The following CBFB variants were observed in gnomAD, a reference collection of about 807,000 sequenced individuals.
The protein encoded by CBFB is core-binding factor subunit beta, also known as CBF-beta.
A neutral mutation model predicts 30.4 loss-of-function variants in CBFB; 9 were observed. The ratio of observed to expected loss-of-function variants is 0.30; its 90% confidence interval spans 0.18 to 0.52. CBFB has a LOEUF of 0.52. Among genes scored for constraint, CBFB ranks in the 20% least tolerant of loss-of-function variants. The probability of loss-of-function intolerance (pLI) is 0.97; values close to 1 mark genes in which losing one functional copy is unlikely to be tolerated. For missense variants in CBFB, 170 were observed against 244.0 expected, an observed-to-expected ratio of 0.70 and a Z score of 2.02; for synonymous variants, 94 against 84.0, an observed-to-expected ratio of 1.12 and a Z score of -0.65.
At chr16:67,039,612 A>G (rs1966497576) in intron 3 of CBFB, among the ~76,000 whole-genome samples, 1 of 152,092 alleles carries the variant, frequency 6.6e-6, no homozygotes. Context: ...TGTTAAAGCA[A>G]TACATGAATG....
intron 4 of CBFB, among the ~76,000 whole-genome samples, chr16:67,067,596 C>G (rs1000546864): frequency 2.6e-5 from 4 of 152,158 alleles, no homozygotes; most frequent in Non-Finnish European, 5.9e-5. Flanking sequence ...CAGTGACAGT[C>G]TGTGTCATTT....
At chr16:67,051,760 T>G (rs1960548888) in intron 3 of CBFB, among the ~76,000 whole-genome samples, 1 of 151,552 alleles carries the variant, frequency 6.6e-6, no homozygotes, top group African/African-American at 2.4e-5. Flanking sequence ...TGTGTTTTTT[T>G]TTTTCTGAGT....
chr16:67,055,346 C>A (rs907235996), intron 3 of CBFB, among the ~76,000 whole-genome samples: 1 of 146,148 alleles, frequency 6.8e-6, no homozygotes, highest in Non-Finnish European at 1.5e-5. Context: ...CTATTGAATT[C>A]CAGACACTTT....
At chr16:67,035,988 A>C (rs1018072035) in intron 2 of CBFB, among the ~76,000 whole-genome samples, 2 of 152,104 alleles carry the variant, frequency 1.3e-5, no homozygotes, top group Non-Finnish European at 2.9e-5. Context: ...ATATTTATAA[A>C]TCTAATCTAT....
At chr16:67,078,908 C>T (rs1961479621) in intron 4 of CBFB, among the ~76,000 whole-genome samples, 1 of 152,178 alleles carries the variant, frequency 6.6e-6, no homozygotes. Context: ...ACCCACCGGC[C>T]TTGGCCTCCC....
chr16:67,068,704 A>G (rs937186319), intron 4 of CBFB, among the ~76,000 whole-genome samples: 1 of 152,210 alleles, frequency 6.6e-6, no homozygotes, highest in African/African-American at 2.4e-5. Context: ...TGCAACTTAT[A>G]CAAAGGTGAA....
At chr16:67,081,177 T>C (rs1307656091) in intron 4 of CBFB, among the ~76,000 whole-genome samples, 3 of 133,856 alleles carry the variant, frequency 2.2e-5, no homozygotes, top group Non-Finnish European at 4.6e-5. Context: ...CCTTCCTGTG[T>C]CCATGTGTTC....
intron 4 of CBFB, among the ~76,000 whole-genome samples, chr16:67,071,825 A>T (rs771292992): frequency 1.3e-5 from 2 of 152,078 alleles, no homozygotes; most frequent in Non-Finnish European, 2.9e-5. Flanking sequence ...TTAGCATTTT[A>T]TACTTAGGGT....
chr16:67,056,254 A>G (rs184287295), intron 3 of CBFB, among the ~76,000 whole-genome samples: 3 of 152,322 alleles, frequency 2.0e-5, no homozygotes, highest in Admixed American at 6.5e-5. Flanking sequence ...TTATGGAGAA[A>G]ATGTACATGT....
At chr16:67,067,229 A>AG (rs59393674) in intron 4 of CBFB, among the ~76,000 whole-genome samples, 1 of 150,560 alleles carries the variant, frequency 6.6e-6, no homozygotes, top group Non-Finnish European at 1.5e-5. Flanking sequence ...AAAAAAAAAA[A>AG]GCTGGACGTG....
chr16:67,063,175 T>G (rs1960958396), intron 3 of CBFB, among the ~76,000 whole-genome samples: 1 of 152,280 alleles, frequency 6.6e-6, no homozygotes, highest in African/African-American at 2.4e-5. Flanking sequence ...TGATGCACAT[T>G]GGTGGAGTTT....
intron 5 of CBFB, among the ~76,000 whole-genome samples, chr16:67,097,817 G>A (rs1244536221): frequency 6.6e-6 from 1 of 152,146 alleles, no homozygotes; most frequent in East Asian, 1.9e-4. Context: ...CTAGTTACTT[G>A]GGAGGCCGAG....
In CBFB at chr16:67,100,551, A is replaced by C. The variant is rs1434708885; in HGVS notation, c.*1773A>C. ...ACACTCAGTGCCCTAATTTCCCCTG[A>C]GGGAATCGCTTTTTAAGTGATCCTT... On this transcript the variant is annotated 3_prime_UTR_variant, in exon 6 of 6. Coordinates refer to ENST00000412916, the MANE Select transcript of CBFB (RefSeq NM_022845.3). The C allele has an allele frequency of 4.4e-6, 1 of 227,394 alleles. No individual in the cohort carries two copies. Among genetic ancestry groups the C allele is most frequent in the African/African-American group, 2.2e-5 (1 of 45,020 alleles). 14.1% of individuals were successfully genotyped at this position (227,394 alleles called of 1,614,324 possible).
In CBFB at chr16:67,098,729, C is replaced by T. The variant is rs767306256; in HGVS notation, c.515C>T (p.Pro172Leu). 2.5e-6 allele frequency: 4 copies of T among 1,610,354 alleles called. No homozygotes were observed. The highest frequency in any genetic ancestry group is 1.1e-5 in the South Asian group (1 of 90,972). ...EEMEARRQQD[P>L]SPGSNLGGGD... The stretch of plus-strand genomic sequence containing the variant: ...TTGCAGGCAAGAAGACAACAAGACC[C>T]TAGTCCTGGTTCCAATTTAGGTGGT... Residue 172 changes from proline to leucine, a missense_variant, in exon 6 of 6, where the codon CCT becomes CTT. Transcript: ENST00000412916.
intron 3 of CBFB, among the ~76,000 whole-genome samples, chr16:67,037,276 C>T (rs1966457600): frequency 6.6e-6 from 1 of 152,130 alleles, no homozygotes; most frequent in Non-Finnish European, 1.5e-5. Flanking sequence ...TGTCATAGAA[C>T]ATTCTAACCC....
chr16:67,081,967 C>A, intron 4 of CBFB: 1 of 197,584 alleles, frequency 5.1e-6, no homozygotes, highest in South Asian at 1.4e-4. Flanking sequence ...TACAAACATG[C>A]GCCACAACAT....
intron 5 of CBFB, among the ~76,000 whole-genome samples, chr16:67,087,165 A>G (rs1386051010): frequency 6.6e-6 from 1 of 152,210 alleles, no homozygotes; most frequent in Non-Finnish European, 1.5e-5. Context: ...CTCTTCAGCT[A>G]CATTATATTT....
At chr16:67,077,228 TATA>T (rs1265955259) in intron 4 of CBFB, among the ~76,000 whole-genome samples, 1 of 152,218 alleles carries the variant, frequency 6.6e-6, no homozygotes, top group Non-Finnish European at 1.5e-5. Context: ...TCACGTTCAG[TATA>T]ATGACCTTGC....
rs923000619 is a variant in CBFB, at chr16:67,099,165, AT to A, written c.*398del. ...AGGGTTTTCTCTAATCATTTTTTCT[AT>A]TTTTTTTTTTGTACTTCTAGATGTT... is the stretch of plus-strand genomic sequence containing the variant. On this transcript the variant is annotated 3_prime_UTR_variant, in exon 6 of 6. Coordinates refer to ENST00000412916, the MANE Select transcript of CBFB (RefSeq NM_022845.3). 0.024 allele frequency: 4,802 copies of A among 198,440 alleles called. 2 individuals are homozygous for A. The highest frequency in any genetic ancestry group is 0.043 in the Middle Eastern group (25 of 584). 12.3% of individuals were successfully genotyped at this position (198,440 alleles called of 1,614,324 possible). A position where few individuals can be genotyped will look rare whatever the true frequency, so the allele number is the denominator to read the frequency against.
Sources: allele counts gnomAD v4.1 joint callset (sites outside exome capture counted in the v4.1 genomes callset), GRCh38; gene constraint gnomAD v4.1.1; transcripts MANE v1.5; gene names NCBI Gene and HGNC (gene_info 2026-07-23, HGNC 2026-07-21).